Variants in GPC5 observed in about 807,000 individuals in gnomAD.
The protein encoded by GPC5 is glypican 5.
In GPC5, 47 loss-of-function variants were observed where a neutral mutation model predicts 53.9. The observed-to-expected ratio is 0.87, with a 90% confidence interval of 0.69 to 1.11. The LOEUF is 1.11. Ranked by LOEUF, GPC5 falls within the 50% of genes most tolerant of loss-of-function variation. The pLI is 0.00. For missense variants in GPC5, 748 were observed against 713.1 expected, an observed-to-expected ratio of 1.05 and a Z score of -0.56; for synonymous variants, 286 against 263.3, an observed-to-expected ratio of 1.09 and a Z score of -0.84.
intron 6 of GPC5, among the ~76,000 whole-genome samples, chr13:92,061,688 A>G (rs2041125230): frequency 6.6e-6 from 1 of 152,004 alleles, no homozygotes; most frequent in Admixed American, 6.5e-5. Context: ...TGAACACAGA[A>G]CAGTCATGCT....
At chr13:91,902,971 A>G (rs1310742746) in intron 5 of GPC5, among the ~76,000 whole-genome samples, 1 of 151,970 alleles carries the variant, frequency 6.6e-6, no homozygotes, top group Admixed American at 6.6e-5. Flanking sequence ...ACATAATTTT[A>G]TAAGGCTGAA....
At chr13:92,641,136 T>C (rs937160675) in intron 7 of GPC5, among the ~76,000 whole-genome samples, 8 of 152,178 alleles carry the variant, frequency 5.3e-5, no homozygotes, top group African/African-American at 1.9e-4. Flanking sequence ...CAGACTGCTA[T>C]TCATTACAAG....
intron 6 of GPC5, among the ~76,000 whole-genome samples, chr13:91,943,425 C>T (rs1428245567): frequency 4.6e-5 from 7 of 151,562 alleles, no homozygotes; most frequent in South Asian, 2.1e-4. Context: ...ATGGAAGAGA[C>T]GTTTTTAGAT....
rs200812685 is a variant in GPC5 at position 91,718,099 on chromosome 13, T to TTTGTTGTTGTTG, written c.1021-10414_1021-10403dup. Reference sequence around the variant, plus strand: ...CTTAGCCTCCCACTTTCCCCTAATCTTTGTTGTTGTTGTTGTTGTTGTTGT... The same window carrying TTTGTTGTTGTTG: ...CTTAGCCTCCCACTTTCCCCTAATCTTTGTTGTTGTTGTTGTTGTTGTTGTTGTTGTTGTTGT... On this transcript the variant is annotated intron_variant, in intron 3 of 7. Coordinates refer to ENST00000377067, the MANE Select transcript of GPC5 (RefSeq NM_004466.6). Among the ~76,000 whole-genome samples, 901 of 151,350 alleles carry TTTGTTGTTGTTG rather than the reference T, an allele frequency of 6.0e-3. 4 individuals carry two copies. Among genetic ancestry groups the TTTGTTGTTGTTG allele is most frequent in the Middle Eastern group, 0.017 (5 of 292 alleles).
chr13:91,803,906 A>C (rs375883949), intron 5 of GPC5, among the ~76,000 whole-genome samples: 6 of 152,170 alleles, frequency 3.9e-5, no homozygotes, highest in African/African-American at 1.2e-4. Context: ...AATGCAGATA[A>C]ATAGTGACAA....
In GPC5 at chr13:92,530,101, C is replaced by T. The variant is rs558676593; in HGVS notation, c.1562-336181C>T. On this transcript the variant is annotated intron_variant, in intron 7 of 7. Transcript: ENST00000377067. ...CTGTCTCACAACAAAAAACCCAGAACAAAACAACAAAATAATAATATGCAG... is the reference window on the plus strand; with the variant it reads ...CTGTCTCACAACAAAAAACCCAGAATAAAACAACAAAATAATAATATGCAG... Among the ~76,000 whole-genome samples the T allele has an allele frequency of 5.9e-5, 9 of 152,136 alleles. No homozygotes were observed. In the East Asian group the frequency reaches 1.7e-3, roughly 29 times the overall value.
chr13:92,843,156 T>C (rs957958783), intron 7 of GPC5, among the ~76,000 whole-genome samples: 2 of 152,206 alleles, frequency 1.3e-5, no homozygotes, highest in African/African-American at 2.4e-5. Flanking sequence ...TATATACTTC[T>C]ATGTCATAGT....
intron 6 of GPC5, among the ~76,000 whole-genome samples, chr13:91,947,611 G>A (rs866155130): frequency 1.3e-5 from 2 of 152,130 alleles, no homozygotes; most frequent in South Asian, 2.1e-4. Context: ...TATAATTCTT[G>A]CTGCCTAATG....
intron 6 of GPC5, among the ~76,000 whole-genome samples, chr13:92,003,267 G>C (rs1436715559): frequency 6.8e-6 from 1 of 146,446 alleles, no homozygotes; most frequent in Non-Finnish European, 1.5e-5. Flanking sequence ...GTTGGAGTGA[G>C]CCAAGATGGC....
At chr13:92,757,703 T>A (rs2139334932) in intron 7 of GPC5, among the ~76,000 whole-genome samples, 1 of 152,306 alleles carries the variant, frequency 6.6e-6, no homozygotes, top group South Asian at 2.1e-4. Flanking sequence ...AAAGAAGACA[T>A]TTATGCAGCC....
At chr13:91,677,570 T>C (rs1208242440) in intron 2 of GPC5, among the ~76,000 whole-genome samples, 2 of 152,158 alleles carry the variant, frequency 1.3e-5, no homozygotes, top group East Asian at 3.9e-4. Flanking sequence ...AGTTCATCTG[T>C]CAAGTTCTTT....
chr13:92,127,743 T>C (rs2041710999), intron 6 of GPC5, among the ~76,000 whole-genome samples: 1 of 152,230 alleles, frequency 6.6e-6, no homozygotes, highest in Admixed American at 6.5e-5. Context: ...CATTGAAATG[T>C]ATAAAGTTTT....
At chr13:92,418,916 T>C (rs913947617) in intron 7 of GPC5, among the ~76,000 whole-genome samples, 2 of 152,140 alleles carry the variant, frequency 1.3e-5, no homozygotes, top group African/African-American at 4.8e-5. Context: ...GCTAGGAAAA[T>C]ATCAACCCAC....
At chr13:91,673,975 C>A (rs556312448) in intron 2 of GPC5, among the ~76,000 whole-genome samples, 14 of 152,172 alleles carry the variant, frequency 9.2e-5, no homozygotes, top group Non-Finnish European at 2.1e-4. Flanking sequence ...ATCCATTCGT[C>A]TACTAACAGA....
chr13:92,838,211 A>G (rs994795402), intron 7 of GPC5, among the ~76,000 whole-genome samples: 3 of 151,988 alleles, frequency 2.0e-5, no homozygotes, highest in Non-Finnish European at 2.9e-5. Flanking sequence ...TCGGCCAGGC[A>G]CGGTGGCTCA....
intron 6 of GPC5, among the ~76,000 whole-genome samples, chr13:92,075,245 C>G (rs1218366425): frequency 6.6e-6 from 1 of 152,124 alleles, no homozygotes; most frequent in African/African-American, 2.4e-5. Context: ...GAAAGATTCT[C>G]ATCTCAAGCA....
chr13:92,248,641 T>G (rs929455355), intron 7 of GPC5, among the ~76,000 whole-genome samples: 3 of 152,144 alleles, frequency 2.0e-5, no homozygotes, highest in Admixed American at 6.6e-5. Flanking sequence ...AAACAATTAT[T>G]ATTTCTCCAT....
rs145817490 is a variant in GPC5, at chr13:92,623,735, A to G, written c.1562-242547A>G. Among the ~76,000 whole-genome samples the G allele has an allele frequency of 3.2e-3, 494 of 152,196 alleles. 6 individuals carry two copies. Among genetic ancestry groups the G allele is most frequent in the African/African-American group, 0.012 (483 of 41,554 alleles). On this transcript the variant is annotated intron_variant, in intron 7 of 7. Transcript: ENST00000377067. ...ATGTTGCATAACTAAACATCTAAAA[A>G]TAGTTTTCAAATTAAAAAAAAAACC... is the stretch of plus-strand genomic sequence containing the variant.
At chr13:92,104,399 C>A (rs2041491466) in intron 6 of GPC5, among the ~76,000 whole-genome samples, 1 of 152,082 alleles carries the variant, frequency 6.6e-6, no homozygotes, top group Non-Finnish European at 1.5e-5. Context: ...CAATTTTTCC[C>A]AGTATTCTCT....
Sources: allele counts gnomAD v4.1 joint callset (sites outside exome capture counted in the v4.1 genomes callset), GRCh38; gene constraint gnomAD v4.1.1; transcripts MANE v1.5; gene names NCBI Gene and HGNC (gene_info 2026-07-23, HGNC 2026-07-21).